CNTNAP2: variants seen among roughly 807,000 people sequenced by gnomAD.
CNTNAP2 encodes the protein contactin associated protein 2.
CNTNAP2 carries 98 observed loss-of-function variants against 155.2 expected under a neutral mutation model. The ratio of observed to expected loss-of-function variants is 0.63; its 90% CI spans 0.54 to 0.75. The LOEUF is 0.75. Among genes scored for constraint, CNTNAP2 ranks in the 30% least tolerant of loss-of-function variants. The probability of loss-of-function intolerance (pLI) is 0.00; values close to 1 mark genes in which losing one functional copy is unlikely to be tolerated. For synonymous variants in CNTNAP2, 651 were observed against 631.2 expected (o/e 1.03, Z -0.47); for missense variants, 1,727 against 1,688.1 (o/e 1.02, Z -0.40).
intron 13 of CNTNAP2, among the ~76,000 whole-genome samples, chr7:147,802,053 CT>C (rs1311476865): frequency 0.022 from 3,301 of 150,418 alleles, 87 homozygotes; most frequent in Non-Finnish European, 0.036. Context: ...CTCCTCACTT[CT>C]CAGACGGGGC....
In CNTNAP2 at chr7:147,792,422, A is replaced by T. The variant is rs150514908; in HGVS notation, c.2099-111143A>T. Among the ~76,000 whole-genome samples, 14 of 152,230 alleles carry T rather than the reference A, an allele frequency of 9.2e-5. No homozygotes were observed. In the East Asian group the frequency reaches 2.5e-3, roughly 27 times the overall value. On this transcript the variant is annotated intron_variant, in intron 13 of 23. Coordinates refer to ENST00000361727, the MANE Select transcript of CNTNAP2 (RefSeq NM_014141.6). ...ATCTTAGACTTTGCATATAAATGGA[A>T]TCATTGCAATATGTGGCATTTTGTG... is the stretch of plus-strand genomic sequence containing the variant.
chr7:148,290,634 A>G (rs949898772), intron 21 of CNTNAP2, among the ~76,000 whole-genome samples: 73 of 152,332 alleles, frequency 4.8e-4, no homozygotes, highest in African/African-American at 1.7e-3. Context: ...TTCTATCTTC[A>G]TGTGGCTGGT....
At chr7:148,347,971 T>C (rs1421099734) in intron 21 of CNTNAP2, among the ~76,000 whole-genome samples, 1 of 152,262 alleles carries the variant, frequency 6.6e-6, no homozygotes, top group Admixed American at 6.5e-5. Context: ...TCTACCTTAC[T>C]CAGTGCGTCT....
chr7:148,351,965 A>T (rs1455262776), intron 21 of CNTNAP2, among the ~76,000 whole-genome samples: 2 of 151,898 alleles, frequency 1.3e-5, no homozygotes, highest in Non-Finnish European at 2.9e-5. Flanking sequence ...CATCACACCT[A>T]CTTCCCGGCC....
At chr7:148,005,576 G>A (rs552667394) in intron 15 of CNTNAP2, among the ~76,000 whole-genome samples, 1 of 152,150 alleles carries the variant, frequency 6.6e-6, no homozygotes, top group East Asian at 1.9e-4. Flanking sequence ...GGTGGAGAAG[G>A]GCACTTGAAT....
intron 8 of CNTNAP2, among the ~76,000 whole-genome samples, chr7:147,204,060 A>C (rs1282877345): frequency 6.6e-6 from 1 of 151,934 alleles, no homozygotes; most frequent in Non-Finnish European, 1.5e-5. Context: ...CAAAGTAATT[A>C]TTATGTTTAA....
rs564638869 is a variant in CNTNAP2 at position 146,924,176 on chromosome 7, G to T, written c.402+84272G>T. ...CACAGAGTGCCAGGCTGACACTCAG[G>T]CCTTGTCAGGTTTCTTGTCTCTAGA... On this transcript the variant is annotated intron_variant, in intron 3 of 23. Coordinates refer to ENST00000361727, the MANE Select transcript of CNTNAP2 (RefSeq NM_014141.6). Among the ~76,000 whole-genome samples, 23 of 152,160 alleles carry T rather than the reference G, an allele frequency of 1.5e-4. No individual in the cohort carries two copies. The South Asian group carries it at 4.8e-3, about 32-fold the overall frequency.
chr7:147,429,093 T>C (rs1797426710), intron 10 of CNTNAP2, among the ~76,000 whole-genome samples: 1 of 152,106 alleles, frequency 6.6e-6, no homozygotes, highest in African/African-American at 2.4e-5. Context: ...CAGATTTCTG[T>C]GAATGCCATT....
chr7:147,347,420 T>TTATATA (rs137977529), intron 9 of CNTNAP2, among the ~76,000 whole-genome samples: 1,257 of 120,554 alleles, frequency 0.01, 44 homozygotes, highest in African/African-American at 0.042. Context: ...TGTGAAAAGA[T>TTATATA]TATATATATA....
chr7:147,562,511 G>A (rs987211644), intron 12 of CNTNAP2, among the ~76,000 whole-genome samples: 1 of 151,914 alleles, frequency 6.6e-6, no homozygotes, highest in African/African-American at 2.4e-5. Context: ...GCATGTAGGG[G>A]GAAAAAAACA....
chr7:147,267,518 A>C (rs1349075908), intron 8 of CNTNAP2, among the ~76,000 whole-genome samples: 1 of 151,110 alleles, frequency 6.6e-6, no homozygotes, highest in South Asian at 2.1e-4. Flanking sequence ...ATTTACCCTC[A>C]CTATTAAGCT....
At chr7:147,290,247 T>C (rs12703900) in intron 8 of CNTNAP2, among the ~76,000 whole-genome samples, 72,217 of 152,038 alleles carry the variant, frequency 0.47, 17,814 homozygotes, top group East Asian at 0.71. Flanking sequence ...TTATAACTTA[T>C]GCCTGAATCA....
At chr7:147,094,558 C>G (rs908733731) in intron 4 of CNTNAP2, among the ~76,000 whole-genome samples, 2 of 147,710 alleles carry the variant, frequency 1.4e-5, no homozygotes, top group Admixed American at 1.4e-4. Flanking sequence ...TCCGCCACCA[C>G]GCCTGGCTAT....
chr7:147,789,404 A>G (rs1797787021), intron 13 of CNTNAP2, among the ~76,000 whole-genome samples: 1 of 152,168 alleles, frequency 6.6e-6, no homozygotes, highest in Admixed American at 6.5e-5. Context: ...CAGTCTCCCC[A>G]CTGCTCACAA....
intron 18 of CNTNAP2, among the ~76,000 whole-genome samples, chr7:148,179,787 G>T (rs1795005789): frequency 6.6e-6 from 1 of 152,076 alleles, no homozygotes; most frequent in Non-Finnish European, 1.5e-5. Flanking sequence ...GAAAAGAAAA[G>T]AAAGGTCCCA....
At chr7:147,275,237 G>C (rs1804869161) in intron 8 of CNTNAP2, among the ~76,000 whole-genome samples, 2 of 151,962 alleles carry the variant, frequency 1.3e-5, no homozygotes, top group Non-Finnish European at 2.9e-5. Context: ...TAAATCTGTA[G>C]ATTGCTTTGG....
intron 13 of CNTNAP2, among the ~76,000 whole-genome samples, chr7:147,884,619 T>G (rs1799575490): frequency 6.6e-6 from 1 of 152,162 alleles, no homozygotes; most frequent in Non-Finnish European, 1.5e-5. Context: ...GAAAAATGTA[T>G]TCTGTGTCTT....
chr7:146,862,609 A>C (rs553594404), intron 3 of CNTNAP2, among the ~76,000 whole-genome samples: 1 of 152,202 alleles, frequency 6.6e-6, no homozygotes, highest in Non-Finnish European at 1.5e-5. Flanking sequence ...GAAAGGCATA[A>C]TGTTACTTGG....
In CNTNAP2 at chr7:146,333,678, C is replaced by T. The variant is rs976540357; in HGVS notation, c.97+216705C>T. Among the ~76,000 whole-genome samples the T allele has an allele frequency of 2.0e-5, 3 of 152,036 alleles. No individual in the cohort carries two copies. In the East Asian group the frequency reaches 5.8e-4, roughly 29 times the overall value. ...GGCAACAAGTGTTAAAAAATAAATTCCTAAAGGTGTCATGGCTCAAACATG... is the reference window on the plus strand; with the variant it reads ...GGCAACAAGTGTTAAAAAATAAATTTCTAAAGGTGTCATGGCTCAAACATG... On this transcript the variant is annotated intron_variant, in intron 1 of 23. Coordinates refer to ENST00000361727, the MANE Select transcript of CNTNAP2 (RefSeq NM_014141.6).
Sources: allele counts gnomAD v4.1 joint callset (sites outside exome capture counted in the v4.1 genomes callset), GRCh38; gene constraint gnomAD v4.1.1; transcripts MANE v1.5; gene names NCBI Gene and HGNC (gene_info 2026-07-23, HGNC 2026-07-21).